Variants in CYTIP observed in about 807,000 individuals in gnomAD.
CYTIP encodes cytohesin 1 interacting protein, also known as cytohesin-interacting protein.
A neutral mutation model predicts 43.8 loss-of-function variants in CYTIP; 26 were observed. That is an observed-to-expected ratio of 0.59 (90% confidence interval 0.44 to 0.82). The LOEUF is 0.82. Ranked by LOEUF, CYTIP falls within the 40% of genes least tolerant of loss-of-function variation. CYTIP has a pLI of 0.00. For missense variants in CYTIP, 426 were observed against 443.1 expected, an observed-to-expected ratio of 0.96 and a Z score of 0.35; for synonymous variants, 162 against 162.9, an observed-to-expected ratio of 0.99 and a Z score of 0.04.
rs1248734339 is a variant in CYTIP, at chr2:157,414,895, T to C, written c.*782A>G. On this transcript the variant is annotated 3_prime_UTR_variant, in exon 8 of 8. Coordinates refer to ENST00000264192, the MANE Select transcript of CYTIP (RefSeq NM_004288.5). ...CCTTTTCCCAACCCTCAGTTTTGGA[T>C]GTTAGACATTTGTAGAAAAAAAATT... is the stretch of plus-strand genomic sequence containing the variant. The C allele has an allele frequency of 1.3e-5, 2 of 152,184 alleles. No homozygotes were observed. The highest frequency in any genetic ancestry group is 6.5e-5 in the Admixed American group (1 of 15,280). 9.4% of individuals were successfully genotyped at this position (152,184 alleles called of 1,614,324 possible).
Position 157,415,875 on chromosome 2 carries a change from C to T in CYTIP, c.882G>A (p.Leu294=), listed in dbSNP as rs142035962. 1.9e-6 allele frequency: 3 copies of T among 1,614,194 alleles called. No homozygotes were observed. The highest frequency in any genetic ancestry group is 2.2e-5 in the East Asian group (1 of 44,884). ...GGTTCCTCCTTGAAGATGACCTCCT[C>T]AGAAAATCATCCCCCTCCTTGGGGA... ...CFIPKEGDDF[L]RRSSSRRNRS... is the part of the protein sequence containing the mutation. The change falls in exon 8 of 8, where the codon CTG becomes CTA. Residue 294 remains leucine, a synonymous_variant. Coordinates refer to ENST00000264192, the MANE Select transcript of CYTIP (RefSeq NM_004288.5).
intron 3 of CYTIP, among the ~76,000 whole-genome samples, chr2:157,431,321 T>C (rs1685711676): frequency 6.6e-6 from 1 of 152,234 alleles, no homozygotes; most frequent in Admixed American, 6.5e-5. Context: ...GAAAAATCCC[T>C]AAGTGGTTCT....
rs1419783232 is a variant in CYTIP at position 157,415,840 on chromosome 2, C to A, written c.917G>T (p.Ser306Ile). ...RSSSRRNRSISNTSSGSMSPL... is the reference protein window; with the variant it reads ...RSSSRRNRSIINTSSGSMSPL... ...AGACATGGATCCGCTGCTGGTGTTA[C>A]TGATGCTCCGGTTCCTCCTTGAAGA... Residue 306 changes from serine (S) to isoleucine (I), a missense_variant, in exon 8 of 8, where the codon AGT becomes ATT. By Grantham distance (142) the Ser-to-Ile change is moderately radical. Transcript: ENST00000264192. 1.2e-6 allele frequency: 2 copies of A among 1,614,214 alleles called. No individual in the cohort carries two copies. The highest frequency in any genetic ancestry group is 8.5e-7 in the Non-Finnish European group (1 of 1,180,036).
chr2:157,427,374 C>T lies in CYTIP; in HGVS notation c.523G>A (p.Glu175Lys), dbSNP rs766035446. 1 of 1,610,226 alleles carries T rather than the reference C, an allele frequency of 6.2e-7. No homozygotes were observed. The change falls in exon 6 of 8, where the codon GAA (glutamate) becomes AAA (lysine). Residue 175 changes from glutamate (E) to lysine (K), a missense_variant. Transcript: ENST00000264192. Reference protein sequence around the residue: ...GTMILKRTELEAKLQVLKQTL... With the variant: ...GTMILKRTELKAKLQVLKQTL... ...ACCTTTAAAACCTGCAGCTTTGCTT[C>T]AAGCTCCGTTCTTTTCAGAATCATT...
chr2:157,420,677 A>AAAAT (rs1685509185), intron 6 of CYTIP, among the ~76,000 whole-genome samples: 1 of 119,302 alleles, frequency 8.4e-6, no homozygotes, highest in Non-Finnish European at 1.8e-5. Flanking sequence ...AAAAAAAAAA[A>AAAAT]GGACTGCTAT....
intron 1 of CYTIP, 87 bp from the exon 2 acceptor site, chr2:157,434,834 CT>C: frequency 2.1e-6 from 1 of 472,418 alleles, no homozygotes; most frequent in African/African-American, 2.5e-5. Flanking sequence ...CTCTCTCTCT[CT>C]CTCTCTCTCT....
intron 5 of CYTIP, among the ~76,000 whole-genome samples, chr2:157,429,322 G>T (rs1420802279): frequency 6.6e-6 from 1 of 151,990 alleles, no homozygotes; most frequent in African/African-American, 2.4e-5. Context: ...GAGTTCATTT[G>T]ACCATCCTTC....
chr2:157,441,971 G>A (rs1363418655), intron 1 of CYTIP, among the ~76,000 whole-genome samples: 15 of 152,120 alleles, frequency 9.9e-5, no homozygotes, highest in Non-Finnish European at 1.2e-4. Context: ...TTGTCCAAGT[G>A]TTCTGTAAAG....
chr2:157,435,512 T>A (rs1053021318), intron 1 of CYTIP, among the ~76,000 whole-genome samples: 12 of 152,170 alleles, frequency 7.9e-5, no homozygotes, highest in Non-Finnish European at 2.9e-5. Flanking sequence ...TTGGAAAAGA[T>A]CATATAAACA....
rs1024299437 is a variant in CYTIP at position 157,415,043 on chromosome 2, T to C, written c.*634A>G. The C allele has an allele frequency of 1.3e-5, 2 of 152,366 alleles. No homozygotes were observed. The highest frequency in any genetic ancestry group is 3.4e-3 in the Middle Eastern group (1 of 294). 9.4% of individuals were successfully genotyped at this position (152,366 alleles called of 1,614,324 possible). ...TGTTTAGACTGTCTATAAAAATGAC[T>C]TTATTATGATCTTTGCAGCACCCAT... On this transcript the variant is annotated 3_prime_UTR_variant, in exon 8 of 8. Transcript: ENST00000264192.
At chr2:157,427,265 T>C (rs774732408) in intron 6 of CYTIP, 86 bp downstream of exon 6, 7 of 1,090,994 alleles carry the variant, frequency 6.4e-6, no homozygotes, top group Non-Finnish European at 7.9e-6. Flanking sequence ...TTTCAAGGGC[T>C]ATCTCAGTTC....
intron 6 of CYTIP, among the ~76,000 whole-genome samples, chr2:157,426,996 G>T (rs1019020261): frequency 1.5e-4 from 23 of 152,130 alleles, no homozygotes; most frequent in African/African-American, 5.6e-4. Context: ...AAAAACCCAG[G>T]CCCTCCAACA....
chr2:157,435,727 T>A (rs1416919665), intron 1 of CYTIP, among the ~76,000 whole-genome samples: 2 of 152,180 alleles, frequency 1.3e-5, no homozygotes, highest in African/African-American at 4.8e-5. Context: ...TGGTTTTTAA[T>A]TGTCAACCTG....
chr2:157,421,329 T>TA (rs911307291), intron 6 of CYTIP, among the ~76,000 whole-genome samples: 2 of 152,250 alleles, frequency 1.3e-5, no homozygotes, highest in African/African-American at 4.8e-5. Context: ...AATGGCTTCC[T>TA]AAAACAACTC....
intron 6 of CYTIP, among the ~76,000 whole-genome samples, chr2:157,424,476 T>TA (rs1301364052): frequency 6.6e-6 from 1 of 151,892 alleles, no homozygotes; most frequent in Non-Finnish European, 1.5e-5. Context: ...CATCTATCAA[T>TA]AAAAAAACAG....
intron 1 of CYTIP, 100 bp from the exon 2 acceptor site, chr2:157,434,847 TCTCACACACA>T (rs1299991638): frequency 1.2e-3 from 169 of 140,686 alleles, no homozygotes; most frequent in African/African-American, 9.8e-3. Flanking sequence ...TCTCTCTCTC[TCTCACACACA>T]CACACACACA....
In CYTIP at chr2:157,415,940, C is replaced by T. The variant is rs142675380; in HGVS notation, c.817G>A (p.Ala273Thr). Residue 273 changes from alanine to threonine, a missense_variant, in exon 8 of 8, where the codon GCC becomes ACC. Ala to Thr is a moderately conservative substitution (Grantham distance 58, BLOSUM62 0). Coordinates refer to ENST00000264192, the MANE Select transcript of CYTIP (RefSeq NM_004288.5). The part of the protein sequence containing the change: ...TCVSEDSSRG[A>T]FSRQTSTDDE... ...TCTGTACTCGTCTGCCGACTGAAGGCACCCCTGCTGGAGTCCTCAGACACA... is the reference window on the plus strand; with the variant it reads ...TCTGTACTCGTCTGCCGACTGAAGGTACCCCTGCTGGAGTCCTCAGACACA... 7 of 1,614,102 alleles carry T rather than the reference C, an allele frequency of 4.3e-6. No individual in the cohort carries two copies. The African/African-American group carries it at 8.0e-5, about 18-fold the overall frequency.
In CYTIP at chr2:157,414,687, G is replaced by A. The variant is rs1163768014; in HGVS notation, c.*990C>T. ...TCTAGAATATAGGTTATGAATAGCT[G>A]TGCCACCAGAACAGAGAATTCATAG... On this transcript the variant is annotated 3_prime_UTR_variant, in exon 8 of 8. Coordinates refer to ENST00000264192, the MANE Select transcript of CYTIP (RefSeq NM_004288.5). 1 of 151,948 alleles carries A rather than the reference G, an allele frequency of 6.6e-6. No individual in the cohort carries two copies. The highest frequency in any genetic ancestry group is 1.5e-5 in the Non-Finnish European group (1 of 67,996). 9.4% of individuals were successfully genotyped at this position (151,948 alleles called of 1,614,324 possible). A position where few individuals can be genotyped will look rare whatever the true frequency, so the allele number is the denominator to read the frequency against.
intron 5 of CYTIP, 135 bp from the exon 6 acceptor site, chr2:157,427,555 G>A (rs1409577300): frequency 2.3e-5 from 12 of 530,930 alleles, no homozygotes; most frequent in Non-Finnish European, 3.4e-5. Context: ...AAATGTTACA[G>A]TTCTCATGGC....
Sources: gnomAD v4.1 joint callset for allele counts (sites outside exome capture counted in the v4.1 genomes callset) on GRCh38, gnomAD v4.1.1 for gene constraint, MANE v1.5 for transcripts, NCBI Gene and HGNC (gene_info 2026-07-23, HGNC 2026-07-21) for gene names.